CAMKMT: variants seen among roughly 807,000 people sequenced by gnomAD.
CAMKMT encodes the protein CaM KMT.
Under a neutral mutation model 48.0 loss-of-function variants are expected in CAMKMT, and 53 were observed. That is an observed-to-expected ratio of 1.10 (90% confidence interval 0.89 to 1.39). The LOEUF (loss-of-function observed/expected upper bound fraction) is 1.39, where lower values mean the gene tolerates loss of function less well. Ranked by LOEUF, CAMKMT falls within the 40% of genes most tolerant of loss-of-function variation. The pLI, the probability that CAMKMT is intolerant of heterozygous loss-of-function variation, is 0.00. For missense variants in CAMKMT, 428 were observed against 402.7 expected (o/e 1.06, Z -0.54); for synonymous variants, 165 against 152.3 (o/e 1.08, Z -0.61).
chr2:44,673,524 G>GGAAGGAAGGAAGGAA (rs1558786891), intron 3 of CAMKMT, among the ~76,000 whole-genome samples: 12 of 58,304 alleles, frequency 2.1e-4, no homozygotes, highest in African/African-American at 7.2e-4. Context: ...GAAGGAAGGA[G>GGAAGGAAGGAAGGAA]GGAAGGAAGA....
chr2:44,457,459 C>G (rs1311534402), intron 3 of CAMKMT, among the ~76,000 whole-genome samples: 1 of 150,068 alleles, frequency 6.7e-6, no homozygotes, highest in Non-Finnish European at 1.5e-5. Context: ...AGTGCAGTGG[C>G]ATGATCTTGG....
chr2:44,614,129 A>G (rs1671744851), intron 3 of CAMKMT, among the ~76,000 whole-genome samples: 1 of 152,192 alleles, frequency 6.6e-6, no homozygotes, highest in Non-Finnish European at 1.5e-5. Flanking sequence ...AAAAGATCAC[A>G]CATAGTTTCT....
chr2:44,601,726 TG>T (rs1671004702), intron 3 of CAMKMT, among the ~76,000 whole-genome samples: 1 of 152,102 alleles, frequency 6.6e-6, no homozygotes, highest in South Asian at 2.1e-4. Flanking sequence ...TGAATACCTT[TG>T]TTTTTTTAAG....
chr2:44,688,698 C>A (rs1051768538), intron 3 of CAMKMT, among the ~76,000 whole-genome samples: 1 of 152,144 alleles, frequency 6.6e-6, no homozygotes, highest in Non-Finnish European at 1.5e-5. Context: ...GAAGGGGAGG[C>A]AGTTCTCCTC....
chr2:44,633,030 T>A lies in CAMKMT; in HGVS notation c.377-71253T>A, dbSNP rs1473943038. On this transcript the variant is annotated intron_variant, in intron 3 of 10. Coordinates refer to ENST00000378494, the MANE Select transcript of CAMKMT (RefSeq NM_024766.5). ...TTCTTTCCCTCTAGAGAACCCTGAC[T>A]AACACAAGTACAATTTTATTAACTG... Among the ~76,000 whole-genome samples the A allele has an allele frequency of 8.5e-5, 13 of 152,170 alleles. 1 individual carries two copies. The highest frequency in any genetic ancestry group is 6.6e-4 in the Admixed American group (10 of 15,264).
chr2:44,653,958 T>C lies in CAMKMT; in HGVS notation c.377-50325T>C, dbSNP rs1447012473. ...TAATCAAACCCATTTATGAAAATTG[T>C]TAGAGTCTTTCTTTGAATTAAAATT... On this transcript the variant is annotated intron_variant, in intron 3 of 10. Transcript: ENST00000378494. This position sits in a 1 kb window ranked among gnomAD's most constrained non-coding sequence, Gnocchi z 5.2. Among the ~76,000 whole-genome samples, 1 of 152,222 alleles carries C rather than the reference T, an allele frequency of 6.6e-6. No individual in the cohort carries two copies. Among genetic ancestry groups the C allele is most frequent in the African/African-American group, 2.4e-5 (1 of 41,462 alleles).
chr2:44,391,822 C>T (rs890979240), intron 3 of CAMKMT: 1 of 153,100 alleles, frequency 6.5e-6, no homozygotes, highest in African/African-American at 2.4e-5. Flanking sequence ...GTTGTTGTTG[C>T]ATGAACAAAC....
chr2:44,749,086 G>A (rs1680041234), intron 8 of CAMKMT, among the ~76,000 whole-genome samples: 1 of 152,102 alleles, frequency 6.6e-6, no homozygotes, highest in Non-Finnish European at 1.5e-5. Context: ...AGTGATGGAT[G>A]GAATGGGATG....
chr2:44,478,379 C>A (rs2104672881), intron 3 of CAMKMT, among the ~76,000 whole-genome samples: 1 of 152,208 alleles, frequency 6.6e-6, no homozygotes, highest in African/African-American at 2.4e-5. Context: ...CAGTTGATGG[C>A]ATGTCTACAG....
chr2:44,528,197 G>C lies in CAMKMT; in HGVS notation c.376+137892G>C, dbSNP rs375289970. 5.1e-3 allele frequency among the ~76,000 whole-genome samples: 771 copies of C among 150,736 alleles called. 3 individuals are homozygous for C. The highest frequency in any genetic ancestry group is 0.018 in the African/African-American group (741 of 41,090). On this transcript the variant is annotated intron_variant, in intron 3 of 10. Coordinates refer to ENST00000378494, the MANE Select transcript of CAMKMT (RefSeq NM_024766.5). ...ATATAAGCATTTTTTTTCTTTTTTTGTAGTTTCCCCTTTCTTACCACAAAG... is the reference window on the plus strand; with the variant it reads ...ATATAAGCATTTTTTTTCTTTTTTTCTAGTTTCCCCTTTCTTACCACAAAG...
chr2:44,751,449 G>T (rs1680152488), intron 8 of CAMKMT, among the ~76,000 whole-genome samples: 1 of 152,056 alleles, frequency 6.6e-6, no homozygotes, highest in South Asian at 2.1e-4. Context: ...TGTAAAATGT[G>T]GACAATAATA....
At chr2:44,748,291 C>T (rs1313553413) in intron 8 of CAMKMT, among the ~76,000 whole-genome samples, 1 of 152,174 alleles carries the variant, frequency 6.6e-6, no homozygotes, top group Non-Finnish European at 1.5e-5. Context: ...GAATGTGTGC[C>T]GTGTGTTAAG....
Position 44,703,771 on chromosome 2 carries a change from TAAAAAAAAAAA to T in CAMKMT, c.377-499_377-489del, listed in dbSNP as rs547342457. On this transcript the variant is annotated intron_variant, in intron 3 of 10. Transcript: ENST00000378494. ...CCAGCCTGGCGACAGAGCAAGACTC[TAAAAAAAAAAA>T]AAAAAAAAAAAAGACAGAATTGTGC... 1.3e-4 allele frequency among the ~76,000 whole-genome samples: 11 copies of T among 84,100 alleles called. No individual in the cohort carries two copies. In the South Asian group the frequency reaches 2.0e-3, roughly 16 times the overall value. 55.2% of individuals were successfully genotyped at this position (84,100 alleles called of 152,430 possible).
intron 3 of CAMKMT, among the ~76,000 whole-genome samples, chr2:44,683,623 A>G (rs961025878): frequency 6.6e-6 from 1 of 152,102 alleles, no homozygotes; most frequent in Non-Finnish European, 1.5e-5. Context: ...GATCAAGACC[A>G]TCCTGGCTAA....
intron 3 of CAMKMT, among the ~76,000 whole-genome samples, chr2:44,413,353 A>G (rs1197860579): frequency 6.6e-6 from 1 of 151,840 alleles, no homozygotes; most frequent in Non-Finnish European, 1.5e-5. Flanking sequence ...ATCACGTACT[A>G]TTAGTAAAGA....
At chr2:44,371,088 G>A (rs1053013242) in intron 1 of CAMKMT, among the ~76,000 whole-genome samples, 3 of 152,100 alleles carry the variant, frequency 2.0e-5, no homozygotes, top group Non-Finnish European at 4.4e-5. Context: ...GGGTTCAAGC[G>A]ATTCTCCTGC....
At position 44,474,220 on chromosome 2, in the gene CAMKMT, C is replaced by T. The variant is rs565823370; in HGVS notation, c.376+83915C>T. Among the ~76,000 whole-genome samples the T allele has an allele frequency of 5.9e-4, 90 of 152,082 alleles. 1 individual carries two copies. Among genetic ancestry groups the T allele is most frequent in the Admixed American group, 9.8e-4 (15 of 15,272 alleles). ...CAGCACTTTGGGAGGCCGAGGCAGG[C>T]GGATCACCTGAGGTTAGGAGTTCAT... On this transcript the variant is annotated intron_variant, in intron 3 of 10. Coordinates refer to ENST00000378494, the MANE Select transcript of CAMKMT (RefSeq NM_024766.5).
intron 3 of CAMKMT, among the ~76,000 whole-genome samples, chr2:44,614,763 G>A (rs894417290): frequency 6.6e-6 from 1 of 151,920 alleles, no homozygotes; most frequent in Non-Finnish European, 1.5e-5. Flanking sequence ...AGTGAAAGAT[G>A]TTCCAAGCAG....
At chr2:44,731,157 A>G (rs1374209363) in intron 7 of CAMKMT, among the ~76,000 whole-genome samples, 2 of 152,230 alleles carry the variant, frequency 1.3e-5, no homozygotes, top group Non-Finnish European at 2.9e-5. Flanking sequence ...CCTGGCCAAC[A>G]TGGCGAAACC....
Sources: gnomAD v4.1 joint callset for allele counts (sites outside exome capture counted in the v4.1 genomes callset) on GRCh38, gnomAD v4.1.1 for gene constraint, Gnocchi (gnomAD v3.1) non-coding constraint, MANE v1.5 for transcripts, NCBI Gene and HGNC (gene_info 2026-07-23, HGNC 2026-07-21) for gene names.